RPS6KB2: variants seen among roughly 807,000 people sequenced by gnomAD.
The protein encoded by RPS6KB2 is ribosomal protein S6 kinase B2.
A neutral mutation model predicts 58.2 loss-of-function variants in RPS6KB2; 51 were observed. The ratio of observed to expected loss-of-function variants is 0.88; its 90% CI spans 0.70 to 1.11. The LOEUF (loss-of-function observed/expected upper bound fraction) is 1.11. Ranked by LOEUF, RPS6KB2 falls within the 50% of genes least tolerant of loss-of-function variation. The probability of loss-of-function intolerance (pLI) is 0.00; values close to 1 mark genes in which losing one functional copy is unlikely to be tolerated. For synonymous variants in RPS6KB2, 293 were observed against 258.6 expected (o/e 1.13, Z -1.28); for missense variants, 671 against 655.8 (o/e 1.02, Z -0.25).
rs1422970663 is a variant in RPS6KB2 at position 67,434,216 on chromosome 11, C to T, written c.988C>T (p.His330Tyr). The change falls in exon 12 of 15, where the codon CAC becomes TAC. Residue 330 changes from histidine (H) to tyrosine (Y), a missense_variant. Transcript: ENST00000312629. The stretch of plus-strand genomic sequence containing the variant: ...CCTACAGAGACATCCCTTTTTCCGG[C>T]ACATGAATTGGGACGACCTTCTGGC... ...ADVQRHPFFR[H>Y]MNWDDLLAWR... 6.2e-7 allele frequency: 1 copy of T among 1,614,012 alleles called. No individual in the cohort carries two copies. The highest frequency in any genetic ancestry group is 1.1e-5 in the South Asian group (1 of 91,088).
chr11:67,432,752 G>C lies in RPS6KB2; in HGVS notation c.531G>C (p.Glu177Asp), dbSNP rs1301382987. Residue 177 changes from glutamate (E) to aspartate (D), a missense_variant, in exon 7 of 15, where the codon GAG becomes GAC. Coordinates refer to ENST00000312629, the MANE Select transcript of RPS6KB2 (RefSeq NM_003952.3). ...LEDTACFYLA[E>D]ITLALGHLHS... Reference sequence around the variant, plus strand: ...GTTTCTGCAGCTTCTACCTGGCTGAGATCACGCTGGCCCTGGGCCATCTCC... The same window carrying C: ...GTTTCTGCAGCTTCTACCTGGCTGACATCACGCTGGCCCTGGGCCATCTCC... 2 of 1,614,192 alleles carry C rather than the reference G, an allele frequency of 1.2e-6. No individual in the cohort carries two copies. The highest frequency in any genetic ancestry group is 1.7e-5 in the Admixed American group (1 of 60,032).
Position 67,435,322 on chromosome 11 carries a change from CCT to C in RPS6KB2, c.*154_*155del. ...GTGTGTCTGCTGGGGCAGCTGTGCCCCTGAATCATGGGCACGGAGGGCCGCCC... is the reference window on the plus strand; with the variant it reads ...GTGTGTCTGCTGGGGCAGCTGTGCCCGAATCATGGGCACGGAGGGCCGCCC... On this transcript the variant is annotated 3_prime_UTR_variant, in exon 15 of 15. Coordinates refer to ENST00000312629, the MANE Select transcript of RPS6KB2 (RefSeq NM_003952.3). 1 of 786,710 alleles carries C rather than the reference CCT, an allele frequency of 1.3e-6. No homozygotes were observed. Among genetic ancestry groups the C allele is most frequent in the East Asian group, 2.8e-5 (1 of 35,976 alleles). The allele number at this position is 786,710 out of a possible 1,614,324, so 48.7% of individuals were successfully genotyped here.
In RPS6KB2 at chr11:67,433,030, C is replaced by G; in HGVS notation, c.695C>G (p.Thr232Ser). ...GCCGTCACTCACACCTTCTGCGGCA[C>G]CATTGAGTACATGTAAGTGGCACCT... ...EGAVTHTFCGTIEYMAPEILV... is the reference protein window; with the variant it reads ...EGAVTHTFCGSIEYMAPEILV... Residue 232 changes from threonine (T) to serine (S), a missense_variant, in exon 8 of 15, where the codon ACC becomes AGC. Physicochemically the swap from Thr to Ser is moderately conservative, Grantham distance 58. Transcript: ENST00000312629. 1 of 1,613,376 alleles carries G rather than the reference C, an allele frequency of 6.2e-7. No homozygotes were observed. The highest frequency in any genetic ancestry group is 1.1e-5 in the South Asian group (1 of 91,090).
At position 67,431,305 on chromosome 11, in the gene RPS6KB2, C is replaced by T. The variant is rs1864012231; in HGVS notation, c.310-63C>T. The T allele has an allele frequency of 9.7e-6, 15 of 1,538,688 alleles. No homozygotes were observed. The South Asian group carries it at 1.2e-4, about 12-fold the overall frequency. On this transcript the variant is annotated intron_variant, in intron 4 of 14. Coordinates refer to ENST00000312629, the MANE Select transcript of RPS6KB2 (RefSeq NM_003952.3). Reference sequence around the variant, plus strand: ...TTGGCCTCCTAGAGTGCTGGGATTACAGGTGTGAGCCACTGTGCCCAGCCT... The same window carrying T: ...TTGGCCTCCTAGAGTGCTGGGATTATAGGTGTGAGCCACTGTGCCCAGCCT...
In RPS6KB2 at chr11:67,431,443, C is replaced by T; in HGVS notation, c.385C>T (p.Pro129Ser). 1.9e-6 allele frequency: 3 copies of T among 1,614,014 alleles called. No homozygotes were observed. The highest frequency in any genetic ancestry group is 2.2e-5 in the South Asian group (2 of 91,068). Residue 129 changes from proline to serine, a missense_variant, in exon 5 of 15, where the codon CCC becomes TCC. Transcript: ENST00000312629. Reference sequence around the variant, plus strand: ...GAACATTCTAGAGTCAGTGAAGCACCCCTTTATTGTGGAACTGGCCTATGC... The same window carrying T: ...GAACATTCTAGAGTCAGTGAAGCACTCCTTTATTGTGGAACTGGCCTATGC... ...ERNILESVKH[P>S]FIVELAYAFQ...
chr11:67,432,871 G>T (rs1323555863), intron 7 of RPS6KB2, 34 bp downstream of exon 7: 3 of 1,610,944 alleles, frequency 1.9e-6, no homozygotes, highest in Non-Finnish European at 2.5e-6. Flanking sequence ...TGCAGGCGGG[G>T]TCTGCAATCT....
At position 67,434,045 on chromosome 11, in the gene RPS6KB2, T is replaced by C; in HGVS notation, c.957T>C (p.Ala319=). 1 of 1,614,122 alleles carries C rather than the reference T, an allele frequency of 6.2e-7. No individual in the cohort carries two copies. The highest frequency in any genetic ancestry group is 8.5e-7 in the Non-Finnish European group (1 of 1,180,002). ...GGATTGGGGGTGGCCCAGGGGATGC[T>C]GCTGATGTGCAGGTGGGTTTGGGAC... is the stretch of plus-strand genomic sequence containing the variant. ...SQRIGGGPGD[A]ADVQRHPFFR... is the part of the protein sequence containing the mutation. The change falls in exon 11 of 15, where the codon GCT becomes GCC. Residue 319 remains alanine (A), a synonymous_variant. Transcript: ENST00000312629.
At chr11:67,434,954 A>G in intron 14 of RPS6KB2, 35 bp from the exon 15 acceptor site, 1 of 1,596,972 alleles carries the variant, frequency 6.3e-7, no homozygotes, top group Non-Finnish European at 8.6e-7. Context: ...GGCAGGGCCT[A>G]GGAGGCTCTT....
At position 67,435,070 on chromosome 11, in the gene RPS6KB2, C is replaced by T; in HGVS notation, c.1350C>T (p.Leu450=). The T allele has an allele frequency of 6.2e-7, 1 of 1,611,622 alleles. No homozygotes were observed. Among genetic ancestry groups the T allele is most frequent in the Non-Finnish European group, 8.5e-7 (1 of 1,179,452 alleles). Reference sequence around the variant, plus strand: ...CCACGGAGCTACCTCTACCTCCACTCCTGCCACCGCCGCCGCCCTCGACCA... The same window carrying T: ...CCACGGAGCTACCTCTACCTCCACTTCTGCCACCGCCGCCGCCCTCGACCA... ...PEPTELPLPP[L]LPPPPPSTTA... is the part of the protein sequence containing the mutation. The change falls in exon 15 of 15, where the codon CTC becomes CTT. Residue 450 remains leucine (L), a synonymous_variant. Coordinates refer to ENST00000312629, the MANE Select transcript of RPS6KB2 (RefSeq NM_003952.3).
At chr11:67,431,558 G>T (rs747629292) in intron 5 of RPS6KB2, 43 bp downstream of exon 5, 1 of 1,596,682 alleles carries the variant, frequency 6.3e-7, no homozygotes, top group East Asian at 2.2e-5. Flanking sequence ...GGTCGCGGGG[G>T]GGCAGCGAGC....
In RPS6KB2 at chr11:67,432,652, G is replaced by A. The variant is rs747002954; in HGVS notation, c.510G>A (p.Thr170=). The A allele has an allele frequency of 4.3e-5, 70 of 1,613,962 alleles. No individual in the cohort carries two copies. Among genetic ancestry groups the A allele is most frequent in the Middle Eastern group, 3.3e-4 (2 of 6,084 alleles). Residue 170 remains threonine (T), a synonymous_variant, in exon 6 of 15, where the codon ACG becomes ACA. Transcript: ENST00000312629. The part of the protein sequence containing the change: ...LEREGIFLED[T]ACFYLAEITL... The stretch of plus-strand genomic sequence containing the variant: ...GAGAGGGCATCTTCCTGGAAGATAC[G>A]GCCTGGTGGGTGTTAATCCTCCGCT...
Position 67,434,979 on chromosome 11 carries a change from TC to T in RPS6KB2, c.1269-6del. 1.2e-6 allele frequency: 2 copies of T among 1,612,880 alleles called. No individual in the cohort carries two copies. The highest frequency in any genetic ancestry group is 1.7e-6 in the Non-Finnish European group (2 of 1,179,260). On this transcript the variant is annotated splice_polypyrimidine_tract_variant and intron_variant, in intron 14 of 14. Transcript: ENST00000312629. ...AGGAGGCTCTTATTCTGCCTTGGTTTCCCCTGCAGCCCCCTCAAGTTCTCCC... is the reference window on the plus strand; with the variant it reads ...AGGAGGCTCTTATTCTGCCTTGGTTTCCCTGCAGCCCCCTCAAGTTCTCCC...
chr11:67,432,395 T>C (rs1274394819), intron 5 of RPS6KB2: 1 of 700,130 alleles, frequency 1.4e-6, no homozygotes, highest in Non-Finnish European at 2.6e-6. Flanking sequence ...CTCTTCATCC[T>C]GTCCCCAGCT....
chr11:67,429,664 G>A lies in RPS6KB2; in HGVS notation c.309+69G>A, dbSNP rs370538354. On this transcript the variant is annotated intron_variant, in intron 4 of 14. Transcript: ENST00000312629. ...CCCAACATGCTGTACCAGGCTTTGG[G>A]AAGACAGCAGGGAACACAGTGGAGG... 127 of 1,280,232 alleles carry A rather than the reference G, an allele frequency of 9.9e-5. 1 individual carries two copies. The South Asian group carries it at 1.5e-3, about 15-fold the overall frequency. 79.3% of individuals were successfully genotyped at this position (1,280,232 alleles called of 1,614,324 possible). A position where few individuals can be genotyped will look rare whatever the true frequency, so the allele number is the denominator to read the frequency against.
chr11:67,434,029 G>A lies in RPS6KB2; in HGVS notation c.941G>A (p.Gly314Asp), dbSNP rs754822281. 29 of 1,614,032 alleles carry A rather than the reference G, an allele frequency of 1.8e-5. No individual in the cohort carries two copies. Among genetic ancestry groups the A allele is most frequent in the Non-Finnish European group, 2.4e-5 (28 of 1,180,036 alleles). Reference sequence around the variant, plus strand: ...CGGAATCCCAGCCAGCGGATTGGGGGTGGCCCAGGGGATGCTGCTGATGTG... The same window carrying A: ...CGGAATCCCAGCCAGCGGATTGGGGATGGCCCAGGGGATGCTGCTGATGTG... ...LKRNPSQRIG[G>D]GPGDAADVQR... is the part of the protein sequence containing the mutation. Residue 314 changes from glycine to aspartate, a missense_variant, in exon 11 of 15, where the codon GGT becomes GAT. By Grantham distance (94) the Gly-to-Asp change is moderately conservative. Coordinates refer to ENST00000312629, the MANE Select transcript of RPS6KB2 (RefSeq NM_003952.3).
chr11:67,428,692 C>T (rs1863921792), intron 1 of RPS6KB2, 69 bp downstream of exon 1: 1 of 1,427,540 alleles, frequency 7.0e-7, no homozygotes, highest in Non-Finnish European at 9.6e-7. Context: ...GCCGGAGCGG[C>T]GGCTCCGCAC....
chr11:67,428,723 C>T, intron 1 of RPS6KB2, 100 bp downstream of exon 1: 1 of 1,142,822 alleles, frequency 8.8e-7, no homozygotes. Context: ...GGCTCCGACT[C>T]TTTGCAGACC....
At chr11:67,434,091 A>G in intron 11 of RPS6KB2, 34 bp downstream of exon 11, 1 of 1,613,468 alleles carries the variant, frequency 6.2e-7, no homozygotes, top group East Asian at 2.2e-5. Flanking sequence ...GGTAGGGCTG[A>G]GTCTCCAAGG....
At position 67,434,573 on chromosome 11, in the gene RPS6KB2, G is replaced by T; in HGVS notation, c.1156-9G>T. 1 of 1,597,652 alleles carries T rather than the reference G, an allele frequency of 6.3e-7. No homozygotes were observed. Among genetic ancestry groups the T allele is most frequent in the South Asian group, 1.1e-5 (1 of 90,004 alleles). ...CTGAGTGTCGCATGGCCCTGCCTCCGCCCCCCAGGGCTTCACATACGTGGC... is the reference window on the plus strand; with the variant it reads ...CTGAGTGTCGCATGGCCCTGCCTCCTCCCCCCAGGGCTTCACATACGTGGC... On this transcript the variant is annotated splice_polypyrimidine_tract_variant and intron_variant, in intron 13 of 14. Coordinates refer to ENST00000312629, the MANE Select transcript of RPS6KB2 (RefSeq NM_003952.3).
Sources: allele counts gnomAD v4.1 joint callset, GRCh38; gene constraint gnomAD v4.1.1; transcripts MANE v1.5; gene names NCBI Gene and HGNC (gene_info 2026-07-23, HGNC 2026-07-21).